Variants in CKLF observed in about 807,000 individuals in gnomAD.
CKLF encodes the protein chemokine like factor.
CKLF carries 16 observed loss-of-function variants against 12.9 expected under a neutral mutation model. The observed-to-expected ratio is 1.24, with a 90% CI of 0.84 to 1.88. CKLF has a LOEUF of 1.88. Among genes scored for constraint, CKLF ranks in the 40% most tolerant of loss-of-function variants. The probability of loss-of-function intolerance (pLI) is 0.00; values close to 1 mark genes in which losing one functional copy is unlikely to be tolerated. For synonymous variants in CKLF, 61 were observed against 69.0 expected, an observed-to-expected ratio of 0.88 and a Z score of 0.57; for missense variants, 172 against 188.5, an observed-to-expected ratio of 0.91 and a Z score of 0.51.
chr16:66,559,809 T>C (rs1057070296), intron 2 of CKLF, among the ~76,000 whole-genome samples: 1 of 152,226 alleles, frequency 6.6e-6, no homozygotes, highest in Non-Finnish European at 1.5e-5. Flanking sequence ...TGGGGTGTTA[T>C]ATGGGTAACT....
intron 2 of CKLF, among the ~76,000 whole-genome samples, chr16:66,559,671 G>A (rs183416277): frequency 6.6e-6 from 1 of 152,176 alleles, no homozygotes; most frequent in East Asian, 1.9e-4. Flanking sequence ...ACATGTCCCA[G>A]TAATAAACTG....
intron 3 of CKLF, 95 bp from the exon 4 acceptor site, chr16:66,565,791 A>C: frequency 8.8e-7 from 1 of 1,137,126 alleles, no homozygotes. Context: ...GTACCCTAGC[A>C]AGAGAGGAAT....
chr16:66,555,089 T>C (rs571425961), intron 1 of CKLF, among the ~76,000 whole-genome samples: 1 of 151,992 alleles, frequency 6.6e-6, no homozygotes, highest in South Asian at 2.1e-4. Flanking sequence ...CAAAAAAAAT[T>C]AGCCAGGCAT....
At chr16:66,564,703 G>T (rs544864517) in intron 3 of CKLF, among the ~76,000 whole-genome samples, 3 of 152,112 alleles carry the variant, frequency 2.0e-5, no homozygotes, top group African/African-American at 7.2e-5. Flanking sequence ...ATCTTCCGAC[G>T]TCGTGATCCG....
chr16:66,559,696 AACAGAAT>A (rs1352452915), intron 2 of CKLF, among the ~76,000 whole-genome samples: 1 of 152,170 alleles, frequency 6.6e-6, no homozygotes, highest in Non-Finnish European at 1.5e-5. Context: ...CCAGGAGTGT[AACAGAAT>A]ACACTGAGAG....
chr16:66,558,317 GAT>G lies in CKLF; in HGVS notation c.207_208del (p.Leu70AsnfsTer10). 6.2e-7 allele frequency: 1 copy of G among 1,605,784 alleles called. No homozygotes were observed. Among genetic ancestry groups the G allele is most frequent in the Non-Finnish European group, 8.5e-7 (1 of 1,178,226 alleles). On this transcript the variant is annotated frameshift_variant, in exon 2 of 4. Coordinates refer to ENST00000264001, the MANE Select transcript of CKLF (RefSeq NM_016951.4). LOFTEE classifies it high-confidence loss of function. The stretch of plus-strand genomic sequence containing the variant: ...CTTTTATATGTACTCAGACTTGATC[GAT>G]TAATGAAGTGGTTATTTTGGCCTTT...
chr16:66,558,350 T>A lies in CKLF; in HGVS notation c.237+2T>A. The A allele has an allele frequency of 1.2e-6, 2 of 1,601,434 alleles. No homozygotes were observed. Among genetic ancestry groups the A allele is most frequent in the Non-Finnish European group, 1.7e-6 (2 of 1,177,170 alleles). On this transcript the variant is annotated splice_donor_variant, in intron 2 of 3. Transcript: ENST00000264001. LOFTEE classifies it high-confidence loss of function. ...AAGTGGTTATTTTGGCCTTTGCTTG[T>A]AAGTGTTCAGTTTCATCCTTAAATT...
chr16:66,565,883 C>T lies in CKLF; in HGVS notation c.334-3C>T. 1 of 1,613,716 alleles carries T rather than the reference C, an allele frequency of 6.2e-7. No homozygotes were observed. ...GGGCAGTGACACTTGTCTTTCTTTC[C>T]AGGTGTTTGCACTTGTGACAGCAGT... On this transcript the variant is annotated splice_region_variant and splice_polypyrimidine_tract_variant and intron_variant, in intron 3 of 3. Coordinates refer to ENST00000264001, the MANE Select transcript of CKLF (RefSeq NM_016951.4).
At chr16:66,563,652 G>C (rs545278287) in intron 3 of CKLF, among the ~76,000 whole-genome samples, 88 of 152,288 alleles carry the variant, frequency 5.8e-4, no homozygotes, top group Non-Finnish European at 1.0e-3. Context: ...TTCTTGTTCA[G>C]ATCCTTCAGA....
At chr16:66,560,226 C>T (rs993145200) in intron 2 of CKLF, among the ~76,000 whole-genome samples, 2 of 152,160 alleles carry the variant, frequency 1.3e-5, no homozygotes, top group Non-Finnish European at 2.9e-5. Flanking sequence ...CCTCCAGGAC[C>T]TGCAGGTGTA....
At chr16:66,563,332 C>CATTGTATATTGG in intron 3 of CKLF, 115 bp downstream of exon 3, 1 of 1,237,852 alleles carries the variant, frequency 8.1e-7, no homozygotes, top group Non-Finnish European at 1.1e-6. Context: ...GATTCCTAGG[C>CATTGTATATTGG]CAATATACAA....
chr16:66,561,214 G>C (rs761306828), intron 2 of CKLF, among the ~76,000 whole-genome samples: 2 of 151,866 alleles, frequency 1.3e-5, no homozygotes, highest in Non-Finnish European at 2.9e-5. Flanking sequence ...TTGTCCCAAA[G>C]TTGTTGTCCC....
At chr16:66,555,921 G>A (rs1205950434) in intron 1 of CKLF, among the ~76,000 whole-genome samples, 1 of 152,156 alleles carries the variant, frequency 6.6e-6, no homozygotes, top group Non-Finnish European at 1.5e-5. Context: ...TCCTGGCATG[G>A]GTGATAAGGT....
In CKLF at chr16:66,566,002, A is replaced by T. The variant is rs765026461; in HGVS notation, c.450A>T (p.Glu150Asp). The T allele has an allele frequency of 2.5e-6, 4 of 1,610,822 alleles. No individual in the cohort carries two copies. Among genetic ancestry groups the T allele is most frequent in the Admixed American group, 3.3e-5 (2 of 59,882 alleles). ...AAAAGCCTGTGCATGAAAAAAAAGA[A>T]GTTTTGTAATTTTATATTACTTTTT... ...YQKKPVHEKK[E>D]VL The change falls in exon 4 of 4, where the codon GAA becomes GAT. Residue 150 changes from glutamate (E) to aspartate (D), a missense_variant. Coordinates refer to ENST00000264001, the MANE Select transcript of CKLF (RefSeq NM_016951.4). This position sits in a 1 kb window ranked among gnomAD's most constrained non-coding sequence, Gnocchi z 4.9.
In CKLF at chr16:66,558,233, C is replaced by A; in HGVS notation, c.122C>A (p.Ala41Asp). Residue 41 changes from alanine to aspartate, a missense_variant, in exon 2 of 4, where the codon GCC (alanine) becomes GAC (aspartate). Transcript: ENST00000264001. ...ATGACCTTTTTTATCATCGCACAAG[C>A]CCCTGAACCATATATTGTTATCACT... is the stretch of plus-strand genomic sequence containing the variant. ...TSMTFFIIAQAPEPYIVITGF... is the reference protein window; with the variant it reads ...TSMTFFIIAQDPEPYIVITGF... 1 of 1,613,674 alleles carries A rather than the reference C, an allele frequency of 6.2e-7. No individual in the cohort carries two copies.
intron 2 of CKLF, among the ~76,000 whole-genome samples, chr16:66,560,091 G>C (rs16956693): frequency 0.063 from 9,599 of 152,162 alleles, 452 homozygotes; most frequent in East Asian, 0.12. Flanking sequence ...TGAAGAAAAA[G>C]TGCCCAAACT....
chr16:66,554,882 G>T (rs970995867), intron 1 of CKLF, among the ~76,000 whole-genome samples: 1 of 152,214 alleles, frequency 6.6e-6, no homozygotes, highest in African/African-American at 2.4e-5. Flanking sequence ...TAACTGGACT[G>T]GGGTGAGTGA....
chr16:66,552,892 C>G (rs1223383478), intron 1 of CKLF, 99 bp downstream of exon 1: 1 of 1,558,876 alleles, frequency 6.4e-7, no homozygotes, highest in Non-Finnish European at 8.8e-7. Context: ...TGCTTTTCAA[C>G]CTCGCTTTGA....
intron 2 of CKLF, among the ~76,000 whole-genome samples, chr16:66,560,913 G>C (rs914978392): frequency 6.6e-6 from 1 of 152,030 alleles, no homozygotes; most frequent in Non-Finnish European, 1.5e-5. Flanking sequence ...CAGGAAAGTT[G>C]TAGGACTGAG....
Sources: gnomAD v4.1 joint callset for allele counts (sites outside exome capture counted in the v4.1 genomes callset) on GRCh38, gnomAD v4.1.1 for gene constraint, Gnocchi (gnomAD v3.1) non-coding constraint, MANE v1.5 for transcripts, NCBI Gene and HGNC (gene_info 2026-07-23, HGNC 2026-07-21) for gene names.